Variants in ABL2 observed in about 807,000 individuals in gnomAD.
ABL2 encodes the protein tyrosine-protein kinase ABL2.
ABL2 carries 49 observed loss-of-function variants against 107.7 expected under a neutral mutation model. That is an observed-to-expected ratio of 0.45 (90% CI 0.36 to 0.58). The LOEUF is 0.58. Among genes scored for constraint, ABL2 ranks in the 20% least tolerant of loss-of-function variants. The pLI is 0.00. For missense variants in ABL2, 1,245 were observed against 1,457.0 expected (o/e 0.85, Z 2.37); for synonymous variants, 549 against 548.6 (o/e 1.00, Z -0.01).
rs140324591 is a variant in ABL2 at position 179,218,844 on chromosome 1, C to A, written c.157+10397G>T. Among the ~76,000 whole-genome samples, 406 of 152,302 alleles carry A rather than the reference C, an allele frequency of 2.7e-3. 1 individual carries two copies. The highest frequency in any genetic ancestry group is 8.8e-3 in the African/African-American group (364 of 41,576). ...AATCAGAAACCCTGGAGGTGGGACC[C>A]AGCAATCTGCTTTAACAAGCTCTCC... On this transcript the variant is annotated intron_variant, in intron 1 of 11. Transcript: ENST00000502732.
chr1:179,199,995 T>C lies in ABL2; in HGVS notation c.157+29246A>G, dbSNP rs1277151421. ...ATCCTCCTGCCTCAGCCTCCCAAAGTGCTAGGATTACAAGCATGAGCCACT... is the reference window on the plus strand; with the variant it reads ...ATCCTCCTGCCTCAGCCTCCCAAAGCGCTAGGATTACAAGCATGAGCCACT... On this transcript the variant is annotated intron_variant, in intron 1 of 11. Transcript: ENST00000502732. Among the ~76,000 whole-genome samples the C allele has an allele frequency of 4.7e-5, 7 of 149,172 alleles. No homozygotes were observed. The Admixed American group carries it at 4.7e-4, about 10-fold the overall frequency.
chr1:179,121,048 A>G (rs28914537), intron 5 of ABL2, among the ~76,000 whole-genome samples: 1 of 152,352 alleles, frequency 6.6e-6, no homozygotes, highest in East Asian at 1.9e-4. Flanking sequence ...TAGCCCTTAT[A>G]AGTGATACAC....
intron 1 of ABL2, among the ~76,000 whole-genome samples, chr1:179,135,924 T>C (rs1280181153): frequency 1.5e-5 from 2 of 129,904 alleles, no homozygotes; most frequent in East Asian, 2.7e-4. Context: ...GGAGCCCCTC[T>C]GCCCGGCCAG....
At chr1:179,112,727 C>T (rs566015382) in intron 9 of ABL2, among the ~76,000 whole-genome samples, 1 of 151,350 alleles carries the variant, frequency 6.6e-6, no homozygotes, top group African/African-American at 2.4e-5. Context: ...GTAGCTGGGA[C>T]TATGGGTGTG....
chr1:179,179,360 T>C (rs1660234798), intron 1 of ABL2, among the ~76,000 whole-genome samples: 1 of 152,112 alleles, frequency 6.6e-6, no homozygotes. Context: ...AATTTTGACC[T>C]TGAAAAGGCA....
Position 179,229,561 on chromosome 1 carries a change from G to A in ABL2, c.-164C>T. The A allele has an allele frequency of 1.5e-6, 1 of 654,310 alleles. No homozygotes were observed. Among genetic ancestry groups the A allele is most frequent in the Non-Finnish European group, 2.3e-6 (1 of 427,206 alleles). 40.5% of individuals were successfully genotyped at this position (654,310 alleles called of 1,614,324 possible). A position where few individuals can be genotyped will look rare whatever the true frequency, so the allele number is the denominator to read the frequency against. On this transcript the variant is annotated 5_prime_UTR_variant, in exon 1 of 12. Transcript: ENST00000502732. ...CTCCGCACCCGGCCTCCTCACGGCA[G>A]CCGCCGCGCTGCCTCCAGGCGACTC...
rs1465410457 is a variant in ABL2 at position 179,101,592 on chromosome 1, A to G, written c.*6126T>C. The G allele has an allele frequency of 5.8e-6, 1 of 173,774 alleles. No individual in the cohort carries two copies. Among genetic ancestry groups the G allele is most frequent in the Non-Finnish European group, 1.2e-5 (1 of 80,562 alleles). The allele number at this position is 173,774 out of a possible 1,614,324, so 10.8% of individuals were successfully genotyped here. ...CACCATGTTGGCCAGGCTGGTCTCA[A>G]ACTCCTGACCTCAAGTGATCCGCCC... is the stretch of plus-strand genomic sequence containing the variant. On this transcript the variant is annotated 3_prime_UTR_variant, in exon 12 of 12. Coordinates refer to ENST00000502732, the MANE Select transcript of ABL2 (RefSeq NM_007314.4).
rs55655202 is a variant in ABL2 at position 179,131,469 on chromosome 1, C to T, written c.233G>A (p.Arg78His). ...TGGSSPEALH[R>H]PYGCDVEPQA... Reference sequence around the variant, plus strand: ...GGGTTCAACATCACAACCATAGGGACGATGCAAAGCTTCTGAAAGACATAA... The same window carrying T: ...GGGTTCAACATCACAACCATAGGGATGATGCAAAGCTTCTGAAAGACATAA... The change falls in exon 3 of 12, where the codon CGT (arginine) becomes CAT (histidine). Residue 78 changes from arginine (R) to histidine (H), a missense_variant. Coordinates refer to ENST00000502732, the MANE Select transcript of ABL2 (RefSeq NM_007314.4). 1.8e-4 allele frequency: 295 copies of T among 1,613,610 alleles called. 3 individuals carry two copies. In the East Asian group the frequency reaches 5.6e-3, roughly 30 times the overall value.
intron 2 of ABL2, 65 bp downstream of exon 2, chr1:179,133,247 T>G: frequency 1.2e-6 from 2 of 1,603,330 alleles, no homozygotes; most frequent in South Asian, 2.3e-5. Flanking sequence ...TCAAATCCAT[T>G]CCCTGTTCTC....
At chr1:179,116,986 C>T in intron 8 of ABL2, 1 of 317,922 alleles carries the variant, frequency 3.1e-6, no homozygotes, top group Admixed American at 4.2e-5. Context: ...ATTACTGGCG[C>T]ATGCCACCAC....
intron 1 of ABL2, among the ~76,000 whole-genome samples, chr1:179,174,715 G>C (rs955132000): frequency 2.6e-5 from 4 of 151,632 alleles, no homozygotes; most frequent in African/African-American, 9.7e-5. Flanking sequence ...GGGAGGTTGA[G>C]GTGGGCTGAT....
Position 179,101,801 on chromosome 1 carries a change from T to C in ABL2, c.*5917A>G, listed in dbSNP as rs1037813074. 1.1e-5 allele frequency: 2 copies of C among 189,374 alleles called. No individual in the cohort carries two copies. The highest frequency in any genetic ancestry group is 2.2e-5 in the Non-Finnish European group (2 of 90,138). 11.7% of individuals were successfully genotyped at this position (189,374 alleles called of 1,614,324 possible). On this transcript the variant is annotated 3_prime_UTR_variant, in exon 12 of 12. Transcript: ENST00000502732. The stretch of plus-strand genomic sequence containing the variant: ...GACAGGCTGGACTGAGTCATGGGGG[T>C]GAGTGCTCCAGAGTAGGCTGTAGCT...
chr1:179,179,460 G>T (rs1282238050), intron 1 of ABL2, among the ~76,000 whole-genome samples: 1 of 148,374 alleles, frequency 6.7e-6, no homozygotes, highest in African/African-American at 2.5e-5. Context: ...ATCTTAAAGG[G>T]TTTTTTTTTT....
intron 1 of ABL2, among the ~76,000 whole-genome samples, chr1:179,165,986 G>A (rs1383472996): frequency 2.6e-5 from 4 of 152,022 alleles, no homozygotes; most frequent in East Asian, 3.9e-4. Flanking sequence ...CAGTAGAGAC[G>A]GGGTTTTACC....
At chr1:179,207,263 G>A (rs2171958) in intron 1 of ABL2, among the ~76,000 whole-genome samples, 75,639 of 151,330 alleles carry the variant, frequency 0.5, 19,034 homozygotes, top group Admixed American at 0.55. Context: ...CCTTTGTGAG[G>A]GAGGAAAGAA....
At chr1:179,131,514 G>C in intron 2 of ABL2, 33 bp from the exon 3 acceptor site, 1 of 1,605,954 alleles carries the variant, frequency 6.2e-7, no homozygotes, top group Non-Finnish European at 8.5e-7. Context: ...GGAATTCACG[G>C]TGAGTTCAAC....
chr1:179,129,417 C>T (rs1353756021), intron 3 of ABL2, among the ~76,000 whole-genome samples: 1 of 152,200 alleles, frequency 6.6e-6, no homozygotes, highest in Non-Finnish European at 1.5e-5. Flanking sequence ...GGCGTGGTGG[C>T]TCACGCCTGT....
In ABL2 at chr1:179,207,168, C is replaced by CTT. The variant is rs573654560; in HGVS notation, c.157+22071_157+22072dup. ...CCTCTGATTCTCCATTCTTTTCTTT[C>CTT]TTTTTTTTTTTTTTGTTAGGGCCTC... On this transcript the variant is annotated intron_variant, in intron 1 of 11. Transcript: ENST00000502732. Among the ~76,000 whole-genome samples, 74 of 141,750 alleles carry CTT rather than the reference C, an allele frequency of 5.2e-4. 1 individual carries two copies. Among genetic ancestry groups the CTT allele is most frequent in the Middle Eastern group, 3.7e-3 (1 of 270 alleles). The allele number at this position is 141,750 out of a possible 152,430, so 93.0% of individuals were successfully genotyped here.
At chr1:179,224,158 A>C (rs1273298807) in intron 1 of ABL2, among the ~76,000 whole-genome samples, 2 of 146,762 alleles carry the variant, frequency 1.4e-5, no homozygotes, top group Non-Finnish European at 3.0e-5. Context: ...AAAAAAAAAA[A>C]CTACAGATCC....
Sources: gnomAD v4.1 joint callset for allele counts (sites outside exome capture counted in the v4.1 genomes callset) on GRCh38, gnomAD v4.1.1 for gene constraint, MANE v1.5 for transcripts, NCBI Gene and HGNC (gene_info 2026-07-23, HGNC 2026-07-21) for gene names.